The following CSMD3 variants were observed in gnomAD, a reference collection of about 807,000 sequenced individuals.
CSMD3 encodes CUB and Sushi multiple domains 3.
CSMD3 carries 177 observed loss-of-function variants against 435.2 expected under a neutral mutation model. The ratio of observed to expected loss-of-function variants is 0.41; its 90% CI spans 0.36 to 0.46. The LOEUF (loss-of-function observed/expected upper bound fraction) is 0.46. Ranked by LOEUF, CSMD3 falls within the 20% of genes least tolerant of loss-of-function variation. The pLI, the probability that CSMD3 is intolerant of heterozygous loss-of-function variation, is 0.34. For missense variants in CSMD3, 4,265 were observed against 4,504.6 expected (o/e 0.95, Z 1.52); for synonymous variants, 1,656 against 1,520.5 (o/e 1.09, Z -2.07).
At chr8:112,427,975 C>T (rs1250705876) in intron 32 of CSMD3, among the ~76,000 whole-genome samples, 1 of 152,106 alleles carries the variant, frequency 6.6e-6, no homozygotes, top group African/African-American at 2.4e-5. Context: ...TGTCACTTCC[C>T]TATATAAGGC....
intron 9 of CSMD3, among the ~76,000 whole-genome samples, chr8:112,927,068 A>G (rs189305981): frequency 5.3e-5 from 8 of 152,304 alleles, no homozygotes; most frequent in African/African-American, 1.7e-4. Flanking sequence ...AATAACTATT[A>G]CCAAAATGAC....
chr8:112,300,420 TGA>T (rs970836184), intron 53 of CSMD3, among the ~76,000 whole-genome samples: 7 of 151,884 alleles, frequency 4.6e-5, no homozygotes, highest in African/African-American at 1.7e-4. Context: ...TTTATTTTTT[TGA>T]GTTTTTATTT....
At chr8:112,537,160 A>C (rs1222797635) in intron 27 of CSMD3, among the ~76,000 whole-genome samples, 5 of 152,026 alleles carry the variant, frequency 3.3e-5, no homozygotes, top group Non-Finnish European at 7.4e-5. Context: ...CCTAAAACTT[A>C]AAGTATAATA....
intron 4 of CSMD3, among the ~76,000 whole-genome samples, chr8:113,144,236 T>C (rs1041400043): frequency 1.3e-5 from 2 of 151,430 alleles, no homozygotes; most frequent in African/African-American, 4.8e-5. Context: ...AGTAACTATA[T>C]GTAAATTTCT....
chr8:113,264,447 A>C (rs953053037), intron 3 of CSMD3, among the ~76,000 whole-genome samples: 13 of 151,250 alleles, frequency 8.6e-5, no homozygotes, highest in African/African-American at 2.7e-4. Context: ...ACAGGATTAC[A>C]TAATAAGTTT....
At chr8:112,891,518 A>C (rs2081790189) in intron 10 of CSMD3, among the ~76,000 whole-genome samples, 1 of 151,520 alleles carries the variant, frequency 6.6e-6, no homozygotes, top group Non-Finnish European at 1.5e-5. Flanking sequence ...AATGCTATGA[A>C]GCTTGAAGGG....
chr8:113,154,457 T>A (rs1432965708), intron 4 of CSMD3, among the ~76,000 whole-genome samples: 2 of 152,020 alleles, frequency 1.3e-5, no homozygotes, highest in Non-Finnish European at 2.9e-5. Flanking sequence ...GTGTTTTTTT[T>A]AATCTCTGAA....
At chr8:112,471,853 C>A (rs1340463894) in intron 32 of CSMD3, among the ~76,000 whole-genome samples, 1 of 152,160 alleles carries the variant, frequency 6.6e-6, no homozygotes, top group Admixed American at 6.6e-5. Context: ...AGTCTGTGAA[C>A]TTTCAGCCTC....
chr8:113,320,053 A>C (rs893113228), intron 1 of CSMD3, among the ~76,000 whole-genome samples: 1 of 152,094 alleles, frequency 6.6e-6, no homozygotes. Flanking sequence ...AACATGAGAT[A>C]GCAGGACATT....
chr8:112,533,277 A>G (rs1453219134), intron 27 of CSMD3, among the ~76,000 whole-genome samples: 1 of 152,084 alleles, frequency 6.6e-6, no homozygotes, highest in African/African-American at 2.4e-5. Flanking sequence ...TTATCTATCA[A>G]TAATGGCATT....
chr8:113,322,889 G>T (rs1419102664), intron 1 of CSMD3, among the ~76,000 whole-genome samples: 1 of 152,024 alleles, frequency 6.6e-6, no homozygotes, highest in Non-Finnish European at 1.5e-5. Flanking sequence ...GGGATTACAG[G>T]TGCCCGCCAC....
chr8:112,499,039 T>C (rs1372678407), intron 30 of CSMD3, among the ~76,000 whole-genome samples: 1 of 152,098 alleles, frequency 6.6e-6, no homozygotes, highest in African/African-American at 2.4e-5. Flanking sequence ...CTTAAGAAAC[T>C]TGTATTTTAG....
intron 1 of CSMD3, among the ~76,000 whole-genome samples, chr8:113,405,976 T>A (rs1042061792): frequency 4.0e-5 from 6 of 151,786 alleles, no homozygotes; most frequent in Admixed American, 3.9e-4. Context: ...CCCTTGGTAA[T>A]GTAACAACTT....
chr8:113,367,253 A>G (rs1446555985), intron 1 of CSMD3, among the ~76,000 whole-genome samples: 1 of 151,938 alleles, frequency 6.6e-6, no homozygotes, highest in East Asian at 1.9e-4. Context: ...TTCATTAGCT[A>G]TACTTATTTC....
At chr8:112,623,796 G>T (rs1178703810) in intron 22 of CSMD3, among the ~76,000 whole-genome samples, 1 of 151,878 alleles carries the variant, frequency 6.6e-6, no homozygotes, top group Middle Eastern at 3.2e-3. Context: ...TTGTCTTAAA[G>T]AAATTGCTAA....
At chr8:112,481,730 C>A (rs964141172) in intron 31 of CSMD3, among the ~76,000 whole-genome samples, 1 of 152,088 alleles carries the variant, frequency 6.6e-6, no homozygotes, top group Non-Finnish European at 1.5e-5. Context: ...GAAGGCTTTC[C>A]TAACCCTTAA....
intron 6 of CSMD3, among the ~76,000 whole-genome samples, chr8:113,001,470 A>T (rs1236495942): frequency 6.6e-6 from 1 of 152,102 alleles, no homozygotes. Context: ...CTCAACTCTA[A>T]TCTTCTCATG....
intron 55 of CSMD3, among the ~76,000 whole-genome samples, chr8:112,292,223 A>G (rs961689007): frequency 4.6e-5 from 7 of 152,282 alleles, no homozygotes; most frequent in Non-Finnish European, 8.8e-5. Flanking sequence ...AATAATCTCA[A>G]TTACTTTTTA....
chr8:113,275,615 T>C (rs2093563648), intron 3 of CSMD3, among the ~76,000 whole-genome samples: 1 of 152,044 alleles, frequency 6.6e-6, no homozygotes, highest in African/African-American at 2.4e-5. Flanking sequence ...AGGAAAGTTT[T>C]TTAAAAATAG....
Sources: gnomAD v4.1 joint callset for allele counts (sites outside exome capture counted in the v4.1 genomes callset) on GRCh38, gnomAD v4.1.1 for gene constraint, MANE v1.5 for transcripts, NCBI Gene and HGNC (gene_info 2026-07-23, HGNC 2026-07-21) for gene names.